CLCN5: variants seen among roughly 807,000 people sequenced by gnomAD.
CLCN5 encodes the protein H(+)/Cl(-) exchange transporter 5.
In CLCN5, 17 loss-of-function variants were observed where a neutral mutation model predicts 54.0. That is an observed-to-expected ratio of 0.31 (90% CI 0.22 to 0.47). The LOEUF (loss-of-function observed/expected upper bound fraction) is 0.47, where lower values mean the gene tolerates loss of function less well. Among genes scored for constraint, CLCN5 ranks in the 20% least tolerant of loss-of-function variants. The probability of loss-of-function intolerance (pLI) is 1.00; values close to 1 mark genes in which losing one functional copy is unlikely to be tolerated. For synonymous variants in CLCN5, 222 were observed against 233.0 expected (o/e 0.95, Z 0.43); for missense variants, 448 against 646.7 (o/e 0.69, Z 3.33).
intron 3 of CLCN5, among the ~76,000 whole-genome samples, chrX:49,927,975 A>G (rs1487219220): frequency 8.9e-6 from 1 of 111,919 alleles, no homozygotes; most frequent in Non-Finnish European, 1.9e-5. Flanking sequence ...TGAAGGTAGA[A>G]AGTCGAATGG....
At chrX:49,995,195 T>C (rs782162398) in intron 3 of CLCN5, among the ~76,000 whole-genome samples, 6 of 110,812 alleles carry the variant, frequency 5.4e-5, no homozygotes, top group African/African-American at 9.9e-5. Flanking sequence ...AAGGATGGAG[T>C]GTGTGTCCCT....
At chrX:49,926,649 G>T (rs1407729033) in intron 3 of CLCN5, among the ~76,000 whole-genome samples, 1 of 111,873 alleles carries the variant, frequency 8.9e-6, no homozygotes, top group African/African-American at 3.3e-5. Flanking sequence ...GTAGGGGCGC[G>T]ACCTCAGATG....
At chrX:50,045,228 G>A (rs1053935152) in intron 4 of CLCN5, among the ~76,000 whole-genome samples, 2 of 111,530 alleles carry the variant, frequency 1.8e-5, no homozygotes, top group Admixed American at 1.9e-4. Context: ...GGGACAGTAG[G>A]AGAGGGCCCC....
chrX:49,994,474 G>A (rs782223799), intron 3 of CLCN5, among the ~76,000 whole-genome samples: 7 of 111,031 alleles, frequency 6.3e-5, no homozygotes, highest in African/African-American at 2.3e-4. Context: ...AAGCTAAAAA[G>A]GGCATTTCAG....
At chrX:50,056,672 G>A (rs1444803298) in intron 4 of CLCN5, among the ~76,000 whole-genome samples, 1 of 111,546 alleles carries the variant, frequency 9.0e-6, no homozygotes, top group Non-Finnish European at 1.9e-5. Context: ...CCAGATTTGA[G>A]CAGATGCTGG....
chrX:49,926,630 G>A (rs1214090454), intron 3 of CLCN5, among the ~76,000 whole-genome samples: 2 of 112,030 alleles, frequency 1.8e-5, no homozygotes, highest in Non-Finnish European at 3.8e-5. Flanking sequence ...TTTGCCTCAT[G>A]TGAGATGTGT....
At chrX:50,057,819 A>C (rs781906213) in intron 4 of CLCN5, among the ~76,000 whole-genome samples, 1 of 109,869 alleles carries the variant, frequency 9.1e-6, no homozygotes, top group African/African-American at 3.3e-5. Flanking sequence ...GTTCCTACAA[A>C]TGTTGATTAA....
At chrX:49,946,680 C>G (rs1012414640) in intron 3 of CLCN5, among the ~76,000 whole-genome samples, 2 of 110,974 alleles carry the variant, frequency 1.8e-5, no homozygotes, top group Admixed American at 9.6e-5. Flanking sequence ...ACTCACATGT[C>G]CCACTCATAC....
At chrX:50,011,349 T>G (rs1236506868) in intron 3 of CLCN5, among the ~76,000 whole-genome samples, 3 of 112,457 alleles carry the variant, frequency 2.7e-5, no homozygotes, top group African/African-American at 9.7e-5. Flanking sequence ...GTTGCTACCC[T>G]ACATTCTGGT....
At chrX:49,932,048 C>T (rs782445478) in intron 3 of CLCN5, among the ~76,000 whole-genome samples, 2 of 111,404 alleles carry the variant, frequency 1.8e-5, no homozygotes, top group African/African-American at 3.3e-5. Flanking sequence ...CCTGAGTAGC[C>T]GGGTCTACAG....
At chrX:49,987,237 A>C (rs1302018539) in intron 3 of CLCN5, among the ~76,000 whole-genome samples, 1 of 112,214 alleles carries the variant, frequency 8.9e-6, no homozygotes, top group African/African-American at 3.2e-5. Flanking sequence ...TGTTTATTGA[A>C]ATTTCTAGAA....
chrX:50,069,778 T>C, intron 4 of CLCN5, 101 bp from the exon 5 acceptor site: 1 of 1,091,004 alleles, frequency 9.2e-7, no homozygotes. Flanking sequence ...CCAACTGTAG[T>C]CATCTGATAG....
chrX:49,989,550 A>G (rs2093995760), intron 3 of CLCN5, among the ~76,000 whole-genome samples: 1 of 112,359 alleles, frequency 8.9e-6, no homozygotes, highest in African/African-American at 3.2e-5. Flanking sequence ...CTTCATTAAA[A>G]CATTTATTTA....
At chrX:49,922,993 G>A (rs1348032138) in intron 1 of CLCN5, among the ~76,000 whole-genome samples, 5 of 113,182 alleles carry the variant, frequency 4.4e-5, no homozygotes, top group Non-Finnish European at 9.4e-5. Flanking sequence ...GTTCCAGCCA[G>A]TGCTGAGCGG....
chrX:49,942,559 C>T (rs782260899), intron 3 of CLCN5, among the ~76,000 whole-genome samples: 1 of 101,901 alleles, frequency 9.8e-6, no homozygotes. Flanking sequence ...CCCCCTCCCC[C>T]CTACCCCACG....
At chrX:50,064,127 C>T (rs1371833097) in intron 4 of CLCN5, among the ~76,000 whole-genome samples, 2 of 107,683 alleles carry the variant, frequency 1.9e-5, no homozygotes, top group East Asian at 5.9e-4. Flanking sequence ...TCTCACCGCT[C>T]CTATTCAACA....
rs939370086 is a variant in CLCN5 at position 50,093,084 on chromosome X, G to A, written c.*865G>A. On this transcript the variant is annotated 3_prime_UTR_variant, in exon 15 of 15. Transcript: ENST00000376091. ...TAGTAAACTTCTAAGCAAAGTCAAT[G>A]ACTAGGAGTTTCACATGTTTGTGAG... 2 of 112,265 alleles carry A rather than the reference G, an allele frequency of 1.8e-5. No homozygotes were observed. The highest frequency in any genetic ancestry group is 3.8e-5 in the Non-Finnish European group (2 of 53,282). The allele number at this position is 112,265 out of a possible 1,213,427, so 9.3% of individuals were successfully genotyped here.
At chrX:50,089,359 G>T (rs1425939670) in intron 12 of CLCN5, among the ~76,000 whole-genome samples, 1 of 111,827 alleles carries the variant, frequency 8.9e-6, no homozygotes, top group Non-Finnish European at 1.9e-5. Context: ...TAAAGTAGAG[G>T]GGGAAACATG....
chrX:49,942,005 C>G lies in CLCN5; in HGVS notation c.16+16691C>G, dbSNP rs782115141. Among the ~76,000 whole-genome samples, 4 of 100,122 alleles carry G rather than the reference C, an allele frequency of 4.0e-5. No individual in the cohort carries two copies. The East Asian group carries it at 1.3e-3, about 32-fold the overall frequency. 86.9% of individuals were successfully genotyped at this position (100,122 alleles called of 115,157 possible). On this transcript the variant is annotated intron_variant, in intron 3 of 14. Transcript: ENST00000376091. Reference sequence around the variant, plus strand: ...CAATACACACATTCACAACCACTGCCACCTGCACTTCTCTGGGCACTCAAG... The same window carrying G: ...CAATACACACATTCACAACCACTGCGACCTGCACTTCTCTGGGCACTCAAG...
Sources: gnomAD v4.1 joint callset for allele counts (sites outside exome capture counted in the v4.1 genomes callset) on GRCh38, gnomAD v4.1.1 for gene constraint, MANE v1.5 for transcripts, NCBI Gene and HGNC (gene_info 2026-07-23, HGNC 2026-07-21) for gene names.